The following FBXO8 variants were observed in gnomAD, a reference collection of about 807,000 sequenced individuals.
The protein encoded by FBXO8 is F-box only protein 8.
Under a neutral mutation model 33.4 loss-of-function variants are expected in FBXO8, and 15 were observed. The observed-to-expected ratio is 0.45, with a 90% confidence interval of 0.30 to 0.69. The LOEUF is 0.69. Among genes scored for constraint, FBXO8 ranks in the 30% least tolerant of loss-of-function variants. The pLI, the probability that FBXO8 is intolerant of heterozygous loss-of-function variation, is 0.08. For synonymous variants in FBXO8, 132 were observed against 131.5 expected, an observed-to-expected ratio of 1.00 and a Z score of -0.02; for missense variants, 274 against 380.3, an observed-to-expected ratio of 0.72 and a Z score of 2.32.
chr4:174,248,981 C>T (rs1422187410), intron 3 of FBXO8, among the ~76,000 whole-genome samples: 1 of 151,924 alleles, frequency 6.6e-6, no homozygotes, highest in Non-Finnish European at 1.5e-5. Flanking sequence ...GACAGGTCTT[C>T]CTGCTTATTT....
Position 174,247,301 on chromosome 4 carries a change from C to T in FBXO8, c.457-6083G>A, listed in dbSNP as rs1199776510. The stretch of plus-strand genomic sequence containing the variant: ...AAAACTGTCACATACTAGGGAGTAC[C>T]TTTAATTTTTTTCCTAAAGAACAAC... On this transcript the variant is annotated intron_variant, in intron 3 of 5. Coordinates refer to ENST00000393674, the MANE Select transcript of FBXO8 (RefSeq NM_012180.3). The surrounding 1 kb of genome is among the most constrained non-coding windows in gnomAD (Gnocchi z 4.6). 6.6e-6 allele frequency among the ~76,000 whole-genome samples: 1 copy of T among 151,830 alleles called. No individual in the cohort carries two copies. Among genetic ancestry groups the T allele is most frequent in the African/African-American group, 2.4e-5 (1 of 41,356 alleles).
chr4:174,268,308 C>T (rs924732768), intron 1 of FBXO8, among the ~76,000 whole-genome samples: 6 of 152,178 alleles, frequency 3.9e-5, no homozygotes, highest in African/African-American at 1.2e-4. Flanking sequence ...AACTCATGGC[C>T]AACCGCACTA....
chr4:174,273,422 G>T (rs984836366), intron 1 of FBXO8, among the ~76,000 whole-genome samples: 4 of 151,604 alleles, frequency 2.6e-5, no homozygotes, highest in Non-Finnish European at 5.9e-5. Context: ...ATGTCAACAG[G>T]ATTGGAAAAA....
intron 3 of FBXO8, among the ~76,000 whole-genome samples, chr4:174,243,339 G>C (rs1195085855): frequency 6.6e-6 from 1 of 151,154 alleles, no homozygotes; most frequent in Non-Finnish European, 1.5e-5. Context: ...AGGAAAAGAG[G>C]CATCAGGTTC....
chr4:174,267,609 T>C lies in FBXO8; in HGVS notation c.-8-4509A>G, dbSNP rs13128257. 0.26 allele frequency among the ~76,000 whole-genome samples: 40,113 copies of C among 152,072 alleles called. 6,463 individuals are homozygous for C. The highest frequency in any genetic ancestry group is 0.37 in the Non-Finnish European group (24,861 of 67,948). ...CTGTCAACACTAGCTCTAAAAGAGA[T>C]GTAGAATATGATGCAGTTTCATGCG... On this transcript the variant is annotated intron_variant, in intron 1 of 5. Transcript: ENST00000393674. This position sits in a 1 kb window ranked among gnomAD's most constrained non-coding sequence, Gnocchi z 4.7.
In FBXO8 at chr4:174,237,542, G is replaced by A; in HGVS notation, c.830C>T (p.Pro277Leu). 3 of 1,613,544 alleles carry A rather than the reference G, an allele frequency of 1.9e-6. No individual in the cohort carries two copies. Among genetic ancestry groups the A allele is most frequent in the Non-Finnish European group, 2.5e-6 (3 of 1,179,640 alleles). Residue 277 changes from proline (P) to leucine (L), a missense_variant, in exon 6 of 6, where the codon CCT becomes CTT. By Grantham distance (98) the Pro-to-Leu change is moderately conservative (BLOSUM62 -3). Transcript: ENST00000393674. The surrounding 1 kb of genome is among the most constrained non-coding windows in gnomAD (Gnocchi z 4.4). ...LILLSIDLTS[P>L]HVKNKMSKRE... ...TTTTGACATTTTATTCTTCACATGA[G>A]GGCTAGTGAGGTCAATGGAAAGTAG...
chr4:174,243,412 G>A (rs553524591), intron 3 of FBXO8, among the ~76,000 whole-genome samples: 3 of 151,020 alleles, frequency 2.0e-5, no homozygotes, highest in Admixed American at 6.6e-5. Context: ...GAATGGTAAA[G>A]GAATAACAAA....
intron 3 of FBXO8, among the ~76,000 whole-genome samples, chr4:174,244,794 C>A (rs1736121056): frequency 6.6e-6 from 1 of 151,584 alleles, no homozygotes. Flanking sequence ...AATAAAATTC[C>A]TCTTATTAAA....
In FBXO8 at chr4:174,239,160, C is replaced by G; in HGVS notation, c.606G>C (p.Leu202Phe). The G allele has an allele frequency of 1.3e-6, 2 of 1,591,670 alleles. No individual in the cohort carries two copies. The highest frequency in any genetic ancestry group is 1.7e-6 in the Non-Finnish European group (2 of 1,167,380). ...RRDVLDDLVTLHNFRNQFLPN... is the reference protein window; with the variant it reads ...RRDVLDDLVTFHNFRNQFLPN... ...GCAAGAACTGATTTCTAAAATTATG[C>G]AATGTTACAAGGTCATCCAAGACAT... The change falls in exon 5 of 6, where the codon TTG becomes TTC. Residue 202 changes from leucine to phenylalanine, a missense_variant. Around this residue, in one of 2 missense-constraint regions of FBXO8, gnomAD observed 186 missense variants for 293.4 expected, o/e 0.63. Coordinates refer to ENST00000393674, the MANE Select transcript of FBXO8 (RefSeq NM_012180.3).
At position 174,267,646 on chromosome 4, in the gene FBXO8, T is replaced by C. The variant is rs1736724751; in HGVS notation, c.-8-4546A>G. On this transcript the variant is annotated intron_variant, in intron 1 of 5. Transcript: ENST00000393674. The surrounding 1 kb of genome is among the most constrained non-coding windows in gnomAD (Gnocchi z 4.7). ...TGCAGTTTCATGCGGGGTTCGTCCATGATTTCAAACTCTTGAAAATAGTGT... is the reference window on the plus strand; with the variant it reads ...TGCAGTTTCATGCGGGGTTCGTCCACGATTTCAAACTCTTGAAAATAGTGT... Among the ~76,000 whole-genome samples the C allele has an allele frequency of 1.3e-5, 2 of 152,222 alleles. No individual in the cohort carries two copies. The highest frequency in any genetic ancestry group is 4.8e-5 in the African/African-American group (2 of 41,460).
At chr4:174,238,740 G>A (rs1735949862) in intron 5 of FBXO8, among the ~76,000 whole-genome samples, 1 of 141,034 alleles carries the variant, frequency 7.1e-6, no homozygotes, top group Admixed American at 7.2e-5. Context: ...AATATAAATG[G>A]CTATATATAC....
At position 174,259,668 on chromosome 4, in the gene FBXO8, C is replaced by T; in HGVS notation, c.456+31G>A. The T allele has an allele frequency of 6.3e-7, 1 of 1,599,876 alleles. No homozygotes were observed. The highest frequency in any genetic ancestry group is 8.5e-7 in the Non-Finnish European group (1 of 1,175,440). On this transcript the variant is annotated intron_variant, in intron 3 of 5. Transcript: ENST00000393674. This position sits in a 1 kb window ranked among gnomAD's most constrained non-coding sequence, Gnocchi z 4.3. ...TGCAGCAAGATAGTAATAAAGGTCA[C>T]TGGATACAAATATTCAAGTTCTTCA...
At position 174,257,379 on chromosome 4, in the gene FBXO8, C is replaced by G. The variant is rs1388177877; in HGVS notation, c.456+2320G>C. ...GCAATTACATCCAACTTTTCTGACT[C>G]TGTAACAATCTACAACTTAGTACTT... On this transcript the variant is annotated intron_variant, in intron 3 of 5. Coordinates refer to ENST00000393674, the MANE Select transcript of FBXO8 (RefSeq NM_012180.3). This position sits in a 1 kb window ranked among gnomAD's most constrained non-coding sequence, Gnocchi z 4.3. Among the ~76,000 whole-genome samples the G allele has an allele frequency of 6.6e-6, 1 of 152,148 alleles. No homozygotes were observed.
chr4:174,252,409 T>C lies in FBXO8; in HGVS notation c.456+7290A>G, dbSNP rs1172822746. ...GGAGACCTAGTTCAAAATAAAGGGA[T>C]ACATTTACTTCAAAAATAAAATTAC... On this transcript the variant is annotated intron_variant, in intron 3 of 5. Transcript: ENST00000393674. This position sits in a 1 kb window ranked among gnomAD's most constrained non-coding sequence, Gnocchi z 5.1. 6.6e-6 allele frequency among the ~76,000 whole-genome samples: 1 copy of C among 152,192 alleles called. No individual in the cohort carries two copies. The highest frequency in any genetic ancestry group is 2.4e-5 in the African/African-American group (1 of 41,450).
chr4:174,250,259 T>C (rs1736256600), intron 3 of FBXO8, among the ~76,000 whole-genome samples: 1 of 152,058 alleles, frequency 6.6e-6, no homozygotes, highest in Non-Finnish European at 1.5e-5. Context: ...ATTTGTTGAA[T>C]GAATGTTTGA....
intron 1 of FBXO8, among the ~76,000 whole-genome samples, chr4:174,279,810 T>C (rs1362467208): frequency 6.6e-6 from 1 of 151,802 alleles, no homozygotes; most frequent in Non-Finnish European, 1.5e-5. Context: ...AAGAATGAGG[T>C]TGGAACCTTA....
In FBXO8 at chr4:174,237,754, C is replaced by A. The variant is rs538299048; in HGVS notation, c.773-155G>T. Among the ~76,000 whole-genome samples, 2 of 152,028 alleles carry A rather than the reference C, an allele frequency of 1.3e-5. No homozygotes were observed. The highest frequency in any genetic ancestry group is 2.4e-5 in the African/African-American group (1 of 41,420). On this transcript the variant is annotated intron_variant, in intron 5 of 5. Transcript: ENST00000393674. This position sits in a 1 kb window ranked among gnomAD's most constrained non-coding sequence, Gnocchi z 4.4. ...TCCATCCCAGTTTGTCTAGACTCTT[C>A]CCAGTTTTGCACTGAAAGTCCTGTC...
intron 1 of FBXO8, among the ~76,000 whole-genome samples, chr4:174,264,490 C>G (rs1736642984): frequency 6.6e-6 from 1 of 152,062 alleles, no homozygotes; most frequent in South Asian, 2.1e-4. Context: ...ATTTACTAAA[C>G]CATTGGCTAT....
rs914815342 is a variant in FBXO8, at chr4:174,245,194, A to G, written c.457-3976T>C. Among the ~76,000 whole-genome samples the G allele has an allele frequency of 1.3e-5, 2 of 151,862 alleles. No homozygotes were observed. The highest frequency in any genetic ancestry group is 2.4e-5 in the African/African-American group (1 of 41,416). ...CAATGAGACACATACATAAACATCT[A>G]GAATACACACGTGCCAAGGTACATC... On this transcript the variant is annotated intron_variant, in intron 3 of 5. Transcript: ENST00000393674. The surrounding 1 kb of genome is among the most constrained non-coding windows in gnomAD (Gnocchi z 4.6).
Sources: allele counts gnomAD v4.1 joint callset (sites outside exome capture counted in the v4.1 genomes callset), GRCh38; gene constraint gnomAD v4.1.1; regional missense constraint gnomAD v4.1.1; non-coding constraint Gnocchi (gnomAD v3.1); transcripts MANE v1.5; gene names NCBI Gene and HGNC (gene_info 2026-07-23, HGNC 2026-07-21).